The following NTN4 variants were observed in gnomAD, a reference collection of about 807,000 sequenced individuals.
NTN4 encodes netrin-4.
NTN4 carries 32 observed loss-of-function variants against 73.6 expected under a neutral mutation model. That is an observed-to-expected ratio of 0.44 (90% CI 0.33 to 0.58). NTN4 has a LOEUF of 0.58. Ranked by LOEUF, NTN4 falls within the 20% of genes least tolerant of loss-of-function variation. NTN4 has a pLI of 0.04. For synonymous variants in NTN4, 258 were observed against 287.5 expected (o/e 0.90, Z 1.04); for missense variants, 654 against 798.3 (o/e 0.82, Z 2.18).
intron 3 of NTN4, among the ~76,000 whole-genome samples, chr12:95,729,221 AT>A (rs1157241232): frequency 6.6e-6 from 1 of 151,284 alleles, no homozygotes; most frequent in African/African-American, 2.4e-5. Context: ...TATATAAAAT[AT>A]TTAATAGTAT....
At position 95,743,877 on chromosome 12, in the gene NTN4, G is replaced by T. The variant is rs192158320; in HGVS notation, c.586-5733C>A. Among the ~76,000 whole-genome samples, 29 of 152,186 alleles carry T rather than the reference G, an allele frequency of 1.9e-4. No individual in the cohort carries two copies. In the East Asian group the frequency reaches 5.4e-3, roughly 28 times the overall value. On this transcript the variant is annotated intron_variant, in intron 2 of 9. Coordinates refer to ENST00000343702, the MANE Select transcript of NTN4 (RefSeq NM_021229.4). ...GCTTCATGTATTTTGAAGCCCTGTT[G>T]TTGGGTACATAAACATGGAGGATTG...
At chr12:95,790,932 G>GC (rs1555222882), upstream of NTN4, among the ~76,000 whole-genome samples, 1 of 148,890 alleles carries the variant, frequency 6.7e-6, no homozygotes, top group African/African-American at 2.4e-5. This position sits in a 1 kb window ranked among gnomAD's most constrained non-coding sequence, Gnocchi z 6.5. Flanking sequence ...GCCGCCCGGG[G>GC]GGGGGGTCCC....
intron 3 of NTN4, among the ~76,000 whole-genome samples, chr12:95,731,268 T>C (rs1023164791): frequency 3.9e-5 from 6 of 152,074 alleles, no homozygotes; most frequent in African/African-American, 1.4e-4. Context: ...AAGAACTTTA[T>C]AAAATATAAA....
At chr12:95,741,391 G>A (rs1185149658) in intron 2 of NTN4, among the ~76,000 whole-genome samples, 46 of 117,702 alleles carry the variant, frequency 3.9e-4, no homozygotes, top group African/African-American at 1.4e-3. Flanking sequence ...AGGTATGTAT[G>A]TATAGGAAAA....
At position 95,693,854 on chromosome 12, in the gene NTN4, T is replaced by C. The variant is rs115561900; in HGVS notation, c.1181-10143A>G. Among the ~76,000 whole-genome samples the C allele has an allele frequency of 7.1e-3, 1,080 of 151,658 alleles. 12 individuals are homozygous for C. Among genetic ancestry groups the C allele is most frequent in the African/African-American group, 0.024 (978 of 41,374 alleles). The stretch of plus-strand genomic sequence containing the variant: ...GGTCCTGCTGCCCTGAAATGTCATA[T>C]AGGACAAGAGTCACAGCGGTCAACC... On this transcript the variant is annotated intron_variant, in intron 5 of 9. Transcript: ENST00000343702.
chr12:95,759,624 C>T (rs558477994), intron 2 of NTN4, among the ~76,000 whole-genome samples: 1 of 151,812 alleles, frequency 6.6e-6, no homozygotes, highest in African/African-American at 2.4e-5. Flanking sequence ...CCACACCTGG[C>T]TAATTTTTGT....
chr12:95,682,909 C>A lies in NTN4; in HGVS notation c.1395-87G>T, dbSNP rs909537058. On this transcript the variant is annotated intron_variant, in intron 6 of 9. Transcript: ENST00000343702. ...GAATCTATAGAGATTTAAACCTTATCTTCTGCCTTCCCATTCTTCCTTTTT... is the reference window on the plus strand; with the variant it reads ...GAATCTATAGAGATTTAAACCTTATATTCTGCCTTCCCATTCTTCCTTTTT... 1.2e-5 allele frequency: 8 copies of A among 691,562 alleles called. No individual in the cohort carries two copies. In the African/African-American group the frequency reaches 1.4e-4, roughly 12 times the overall value. 42.8% of individuals were successfully genotyped at this position (691,562 alleles called of 1,614,324 possible). A position where few individuals can be genotyped will look rare whatever the true frequency, so the allele number is the denominator to read the frequency against.
chr12:95,739,440 A>G (rs2078806596), intron 2 of NTN4, among the ~76,000 whole-genome samples: 1 of 152,324 alleles, frequency 6.6e-6, no homozygotes, highest in East Asian at 1.9e-4. Context: ...CAGAAAATAA[A>G]ATTTTCCAAC....
chr12:95,680,054 T>C (rs554137735), intron 7 of NTN4, among the ~76,000 whole-genome samples: 2 of 152,320 alleles, frequency 1.3e-5, no homozygotes, highest in South Asian at 4.1e-4. Flanking sequence ...TCACCTTATT[T>C]AAAAGTATGT....
intron 3 of NTN4, among the ~76,000 whole-genome samples, chr12:95,721,451 G>T (rs914360733): frequency 6.6e-6 from 1 of 152,148 alleles, no homozygotes; most frequent in African/African-American, 2.4e-5. Context: ...TTCTATCTGC[G>T]CACTGGAGAT....
chr12:95,748,385 A>G (rs1197062037), intron 2 of NTN4, among the ~76,000 whole-genome samples: 1 of 151,914 alleles, frequency 6.6e-6, no homozygotes, highest in African/African-American at 2.4e-5. Context: ...AGGAATGACT[A>G]CAAACATTTA....
chr12:95,753,562 T>A (rs374730513), intron 2 of NTN4, among the ~76,000 whole-genome samples: 1 of 148,822 alleles, frequency 6.7e-6, no homozygotes, highest in Non-Finnish European at 1.5e-5. Flanking sequence ...TACAGTCTGA[T>A]AACAGACCAG....
At chr12:95,698,502 A>T (rs1040303885) in intron 5 of NTN4, among the ~76,000 whole-genome samples, 1 of 152,164 alleles carries the variant, frequency 6.6e-6, no homozygotes, top group Non-Finnish European at 1.5e-5. Context: ...AGAGAATTTC[A>T]TGACCTTGTC....
chr12:95,741,427 T>TA (rs2078823266), intron 2 of NTN4, among the ~76,000 whole-genome samples: 7 of 51,042 alleles, frequency 1.4e-4, no homozygotes, highest in African/African-American at 4.5e-4. Context: ...TATGTATAAA[T>TA]TATATATATA....
chr12:95,668,888 G>A (rs2078203932), intron 8 of NTN4, among the ~76,000 whole-genome samples: 1 of 152,248 alleles, frequency 6.6e-6, no homozygotes, highest in Non-Finnish European at 1.5e-5. Context: ...CACTTTGGGA[G>A]GCCGAGGCAG....
At chr12:95,735,585 A>C (rs17288038) in intron 3 of NTN4, among the ~76,000 whole-genome samples, 14,254 of 152,284 alleles carry the variant, frequency 0.094, 914 homozygotes, top group Non-Finnish European at 0.13. Flanking sequence ...GAGATGTCTC[A>C]TTCTAACATC....
intron 5 of NTN4, among the ~76,000 whole-genome samples, chr12:95,694,316 C>T (rs537748796): frequency 6.6e-6 from 1 of 152,154 alleles, no homozygotes; most frequent in South Asian, 2.1e-4. Flanking sequence ...TCACCAAGAC[C>T]CCGGCGGCCA....
chr12:95,736,244 A>C (rs918726361), intron 3 of NTN4, among the ~76,000 whole-genome samples: 1 of 151,884 alleles, frequency 6.6e-6, no homozygotes, highest in African/African-American at 2.4e-5. Flanking sequence ...CGGCCACCTG[A>C]AGTTTTTATA....
intron 2 of NTN4, among the ~76,000 whole-genome samples, chr12:95,743,134 A>G (rs2078838281): frequency 6.6e-6 from 1 of 152,222 alleles, no homozygotes; most frequent in Admixed American, 6.5e-5. Flanking sequence ...TCTTTTCCAT[A>G]GTTTCTGATC....
Sources: allele counts gnomAD v4.1 joint callset (sites outside exome capture counted in the v4.1 genomes callset), GRCh38; gene constraint gnomAD v4.1.1; non-coding constraint Gnocchi (gnomAD v3.1); transcripts MANE v1.5; gene names NCBI Gene and HGNC (gene_info 2026-07-23, HGNC 2026-07-21).